The following PKP4 variants were observed in gnomAD, a reference collection of about 807,000 sequenced individuals.
PKP4 encodes the protein plakophilin 4, also known as plakophilin-4.
A neutral mutation model predicts 145.1 loss-of-function variants in PKP4; 90 were observed. The observed-to-expected ratio is 0.62, with a 90% CI of 0.52 to 0.74. PKP4 has a LOEUF of 0.74. Among genes scored for constraint, PKP4 ranks in the 30% least tolerant of loss-of-function variants. PKP4 has a pLI of 0.00. For synonymous variants in PKP4, 563 were observed against 577.2 expected, an observed-to-expected ratio of 0.98 and a Z score of 0.35; for missense variants, 1,340 against 1,482.7, an observed-to-expected ratio of 0.90 and a Z score of 1.58.
At chr2:158,579,448 A>G (rs1263449058) in intron 3 of PKP4, among the ~76,000 whole-genome samples, 1 of 151,834 alleles carries the variant, frequency 6.6e-6, no homozygotes, top group Non-Finnish European at 1.5e-5. Flanking sequence ...ATTTTGTAAA[A>G]AAAAAAAAAA....
intron 1 of PKP4, among the ~76,000 whole-genome samples, chr2:158,479,424 A>G (rs1023060895): frequency 2.0e-5 from 3 of 152,050 alleles, no homozygotes; most frequent in African/African-American, 4.8e-5. Context: ...GGGTTTTGCC[A>G]TGTTGCCCAG....
intron 1 of PKP4, among the ~76,000 whole-genome samples, chr2:158,468,100 T>G (rs1347159401): frequency 6.6e-6 from 1 of 152,230 alleles, no homozygotes; most frequent in Non-Finnish European, 1.5e-5. Flanking sequence ...ATGTACAGTT[T>G]AGCATAAGTA....
In PKP4 at chr2:158,612,756, T is replaced by A. The variant is rs537289683; in HGVS notation, c.281-8234T>A. Reference sequence around the variant, plus strand: ...GAACAGATTGAACAAAGTAAGATAATTTTTAAATATCATTATTAACTATTC... The same window carrying A: ...GAACAGATTGAACAAAGTAAGATAAATTTTAAATATCATTATTAACTATTC... On this transcript the variant is annotated intron_variant, in intron 4 of 21. Coordinates refer to ENST00000389759, the MANE Select transcript of PKP4 (RefSeq NM_003628.6). Among the ~76,000 whole-genome samples the A allele has an allele frequency of 1.1e-4, 16 of 152,290 alleles. 1 individual carries two copies. In the South Asian group the frequency reaches 3.1e-3, roughly 30 times the overall value.
At chr2:158,509,096 A>G (rs747339710) in intron 1 of PKP4, among the ~76,000 whole-genome samples, 1 of 152,220 alleles carries the variant, frequency 6.6e-6, no homozygotes, top group African/African-American at 2.4e-5. Context: ...AAAAATTAAA[A>G]TGACACAAAA....
intron 11 of PKP4, 107 bp from the exon 12 acceptor site, chr2:158,658,024 T>G: frequency 1.4e-6 from 1 of 695,860 alleles, no homozygotes; most frequent in South Asian, 1.8e-5. Context: ...GGCCATAGAT[T>G]AGGTTTGGAA....
chr2:158,594,573 TG>T (rs1331042170), intron 3 of PKP4, among the ~76,000 whole-genome samples: 1 of 152,104 alleles, frequency 6.6e-6, no homozygotes, highest in Non-Finnish European at 1.5e-5. Context: ...GGCCCTTTCT[TG>T]GGAAGAAAGA....
At chr2:158,601,280 C>T (rs2050204759) in intron 3 of PKP4, among the ~76,000 whole-genome samples, 1 of 152,070 alleles carries the variant, frequency 6.6e-6, no homozygotes, top group Admixed American at 6.5e-5. Context: ...GAAGATAAAA[C>T]TTTCTTAATA....
At chr2:158,465,991 A>G (rs1439168307) in intron 1 of PKP4, among the ~76,000 whole-genome samples, 2 of 152,180 alleles carry the variant, frequency 1.3e-5, no homozygotes, top group African/African-American at 4.8e-5. Flanking sequence ...CCAAAATATT[A>G]TTTAGAACTG....
chr2:158,656,629 G>A (rs1160952195), intron 11 of PKP4, among the ~76,000 whole-genome samples: 2 of 152,168 alleles, frequency 1.3e-5, no homozygotes, highest in African/African-American at 4.8e-5. Flanking sequence ...AAGTGAAAGA[G>A]GAGAGTTGTG....
intron 13 of PKP4, 79 bp downstream of exon 13, chr2:158,661,529 T>C: frequency 1.1e-6 from 1 of 923,690 alleles, no homozygotes; most frequent in Non-Finnish European, 1.8e-6. Flanking sequence ...ATGCCATTGG[T>C]TCTTTCTGAC....
At chr2:158,555,193 G>A (rs1384541226) in intron 2 of PKP4, among the ~76,000 whole-genome samples, 1 of 152,178 alleles carries the variant, frequency 6.6e-6, no homozygotes, top group Non-Finnish European at 1.5e-5. Flanking sequence ...CCAGTCTTAT[G>A]TAAATTATGA....
chr2:158,589,262 GT>G (rs892822331), intron 3 of PKP4, among the ~76,000 whole-genome samples: 7 of 152,084 alleles, frequency 4.6e-5, no homozygotes, highest in African/African-American at 1.7e-4. Context: ...GTGGTGGTGT[GT>G]TTTGCTTTGA....
chr2:158,464,917 T>C (rs892807326), intron 1 of PKP4, among the ~76,000 whole-genome samples: 1 of 152,244 alleles, frequency 6.6e-6, no homozygotes, highest in Non-Finnish European at 1.5e-5. Flanking sequence ...GTGTTTCATT[T>C]TGCATACTTA....
intron 1 of PKP4, among the ~76,000 whole-genome samples, chr2:158,511,185 A>G (rs1206192266): frequency 2.0e-5 from 3 of 152,326 alleles, no homozygotes; most frequent in East Asian, 3.9e-4. Context: ...TCAGGAGCTC[A>G]AGACCAGCTG....
chr2:158,566,851 ATATCTATACATCC>A (rs879117592), intron 2 of PKP4, among the ~76,000 whole-genome samples: 1 of 152,202 alleles, frequency 6.6e-6, no homozygotes, highest in Admixed American at 6.6e-5. Flanking sequence ...CACAGCACAC[ATATCTATACATCC>A]TATCTATACA....
At chr2:158,649,234 T>G (rs1228621770) in intron 11 of PKP4, among the ~76,000 whole-genome samples, 16 of 152,090 alleles carry the variant, frequency 1.1e-4, no homozygotes. Context: ...TCCAGGAAGG[T>G]TGAGCAGGCA....
chr2:158,603,995 C>T (rs1194839695), intron 4 of PKP4, among the ~76,000 whole-genome samples: 1 of 152,228 alleles, frequency 6.6e-6, no homozygotes, highest in African/African-American at 2.4e-5. Context: ...GTTCTTTCCC[C>T]CAGAAAAATA....
chr2:158,539,946 C>G (rs758198628), intron 2 of PKP4, among the ~76,000 whole-genome samples: 1 of 152,112 alleles, frequency 6.6e-6, no homozygotes, highest in African/African-American at 2.4e-5. Flanking sequence ...TCAAGCGTCC[C>G]TGTGATTAAA....
chr2:158,626,433 GTTGT>G (rs1417141167), intron 7 of PKP4, among the ~76,000 whole-genome samples: 2 of 152,130 alleles, frequency 1.3e-5, no homozygotes, highest in African/African-American at 4.8e-5. Context: ...GGACAGTTAG[GTTGT>G]TTGTTATGTT....
Sources: allele counts gnomAD v4.1 joint callset (sites outside exome capture counted in the v4.1 genomes callset), GRCh38; gene constraint gnomAD v4.1.1; transcripts MANE v1.5; gene names NCBI Gene and HGNC (gene_info 2026-07-23, HGNC 2026-07-21).